The following CHST8 variants were observed in gnomAD, a reference collection of about 807,000 sequenced individuals.
CHST8 encodes the protein carbohydrate sulfotransferase 8, also known as GALNAC-4-ST1.
CHST8 carries 10 observed loss-of-function variants against 15.0 expected under a neutral mutation model. That is an observed-to-expected ratio of 0.67 (90% CI 0.41 to 1.13). CHST8 has a LOEUF of 1.13. CHST8 is among the 50% of genes most tolerant of loss of function. The probability of loss-of-function intolerance (pLI) is 0.00; values close to 1 mark genes in which losing one functional copy is unlikely to be tolerated. For synonymous variants in CHST8, 259 were observed against 256.6 expected (o/e 1.01, Z -0.09); for missense variants, 634 against 608.2 (o/e 1.04, Z -0.45).
At chr19:33,740,638 G>A (rs566537489) in intron 3 of CHST8, among the ~76,000 whole-genome samples, 11 of 152,246 alleles carry the variant, frequency 7.2e-5, no homozygotes, top group African/African-American at 1.2e-4. Context: ...TCAGCTCTCT[G>A]TTTCAGGAGG....
At chr19:33,657,176 CACACAT>C (rs1207649484) in intron 1 of CHST8, among the ~76,000 whole-genome samples, 4 of 150,206 alleles carry the variant, frequency 2.7e-5, no homozygotes, top group South Asian at 2.1e-4. Flanking sequence ...TATACTTATA[CACACAT>C]ACACATACAC....
At chr19:33,624,380 A>G (rs545904344) in intron 1 of CHST8, among the ~76,000 whole-genome samples, 1 of 152,318 alleles carries the variant, frequency 6.6e-6, no homozygotes, top group South Asian at 2.1e-4. Flanking sequence ...CCGACGACAG[A>G]GGATGCTTTG....
At chr19:33,722,067 AGATGGATGGATGGATGGATG>A (rs142959239) in intron 3 of CHST8, among the ~76,000 whole-genome samples, 8 of 73,670 alleles carry the variant, frequency 1.1e-4, no homozygotes, top group South Asian at 1.0e-3. Flanking sequence ...CTGATGGATG[AGATGGATGGATGGATGGATG>A]GATGGATGGA....
Position 33,642,110 on chromosome 19 carries a change from G to A in CHST8, c.-164+19814G>A, listed in dbSNP as rs544104546. Among the ~76,000 whole-genome samples, 6 of 152,298 alleles carry A rather than the reference G, an allele frequency of 3.9e-5. 1 individual carries two copies. Among genetic ancestry groups the A allele is most frequent in the African/African-American group, 1.4e-4 (6 of 41,576 alleles). Reference sequence around the variant, plus strand: ...ACCACCAAGACCACAGGCCATGGCTGCAGGGCTGTGGGGCTCAGCACCCAC... The same window carrying A: ...ACCACCAAGACCACAGGCCATGGCTACAGGGCTGTGGGGCTCAGCACCCAC... On this transcript the variant is annotated intron_variant, in intron 1 of 4. Coordinates refer to ENST00000650847, the MANE Select transcript of CHST8 (RefSeq NM_001127895.2).
At chr19:33,723,177 T>G (rs1285904030) in intron 3 of CHST8, among the ~76,000 whole-genome samples, 2 of 152,140 alleles carry the variant, frequency 1.3e-5, no homozygotes, top group Admixed American at 6.5e-5. Flanking sequence ...GATTGGATCT[T>G]TGTGTGTGCG....
intron 1 of CHST8, among the ~76,000 whole-genome samples, chr19:33,641,562 G>T (rs1600231079): frequency 1.3e-5 from 2 of 152,188 alleles, no homozygotes; most frequent in African/African-American, 4.8e-5. Context: ...GATTGGTGGT[G>T]TATTGGAACT....
intron 2 of CHST8, among the ~76,000 whole-genome samples, chr19:33,675,952 G>A (rs562992179): frequency 6.6e-6 from 1 of 152,322 alleles, no homozygotes; most frequent in Admixed American, 6.5e-5. Context: ...AGCCCAGCAG[G>A]ACCATCTGCC....
intron 1 of CHST8, among the ~76,000 whole-genome samples, chr19:33,646,338 G>A (rs1028452301): frequency 1.3e-5 from 2 of 152,106 alleles, no homozygotes; most frequent in Non-Finnish European, 2.9e-5. Flanking sequence ...ATTGTGCTAT[G>A]ACAGTTTCCG....
intron 3 of CHST8, among the ~76,000 whole-genome samples, chr19:33,725,291 C>T (rs371749699): frequency 8.5e-5 from 13 of 152,156 alleles, no homozygotes; most frequent in Non-Finnish European, 1.8e-4. Context: ...CACTCACCCC[C>T]CAGGGGCATC....
chr19:33,714,005 A>G (rs1973611029), intron 3 of CHST8, among the ~76,000 whole-genome samples: 1 of 152,168 alleles, frequency 6.6e-6, no homozygotes, highest in Non-Finnish European at 1.5e-5. Flanking sequence ...CGTTGCTTAG[A>G]ACAACAGTTC....
intron 3 of CHST8, among the ~76,000 whole-genome samples, chr19:33,716,872 C>T (rs1034279661): frequency 1.3e-5 from 2 of 152,126 alleles, no homozygotes; most frequent in African/African-American, 4.8e-5. Context: ...CATTGGGCAG[C>T]GTCGGTTTCT....
chr19:33,662,815 A>G (rs1309044372), intron 1 of CHST8, among the ~76,000 whole-genome samples: 1 of 152,222 alleles, frequency 6.6e-6, no homozygotes, highest in African/African-American at 2.4e-5. Context: ...CCAACTCAGA[A>G]TGCCTGTTTA....
intron 3 of CHST8, among the ~76,000 whole-genome samples, chr19:33,702,763 A>T (rs1274038057): frequency 6.6e-6 from 1 of 152,208 alleles, no homozygotes; most frequent in Non-Finnish European, 1.5e-5. Context: ...AGCAGGTCTC[A>T]GGTGTGGAGT....
At chr19:33,761,652 A>G (rs1974731005) in intron 3 of CHST8, among the ~76,000 whole-genome samples, 1 of 151,224 alleles carries the variant, frequency 6.6e-6, no homozygotes, top group Admixed American at 6.6e-5. Context: ...ATATATATAT[A>G]GTATAAAAAT....
chr19:33,746,161 A>G (rs1974309454), intron 3 of CHST8, among the ~76,000 whole-genome samples: 1 of 152,170 alleles, frequency 6.6e-6, no homozygotes, highest in Non-Finnish European at 1.5e-5. Flanking sequence ...CTAAAATAGC[A>G]TTTTTTTAAA....
At chr19:33,720,318 A>G (rs998449055) in intron 3 of CHST8, among the ~76,000 whole-genome samples, 1 of 151,626 alleles carries the variant, frequency 6.6e-6, no homozygotes, top group African/African-American at 2.4e-5. Flanking sequence ...TCACATATAC[A>G]CACTGCACAC....
rs1226127453 is a variant in CHST8, at chr19:33,772,661, C to T, written c.873C>T (p.Tyr291=). The change falls in exon 5 of 5, where the codon TAC becomes TAT. Residue 291 remains tyrosine (Y), a synonymous_variant. Transcript: ENST00000650847. ...TCGGCAAGGCCATCCTGGCCCGGTACCGCGCCAATGCCTCTCGGGAGGCCC... is the reference window on the plus strand; with the variant it reads ...TCGGCAAGGCCATCCTGGCCCGGTATCGCGCCAATGCCTCTCGGGAGGCCC... ...PVFGKAILAR[Y]RANASREALR... is the part of the protein sequence containing the mutation. 2.5e-6 allele frequency: 4 copies of T among 1,613,874 alleles called. No individual in the cohort carries two copies. Among genetic ancestry groups the T allele is most frequent in the Non-Finnish European group, 3.4e-6 (4 of 1,180,032 alleles).
At chr19:33,687,550 G>A (rs1409363316) in intron 2 of CHST8, among the ~76,000 whole-genome samples, 1 of 152,206 alleles carries the variant, frequency 6.6e-6, no homozygotes, top group Non-Finnish European at 1.5e-5. Context: ...AAGGCCGCAG[G>A]AACCAACTGC....
intron 2 of CHST8, among the ~76,000 whole-genome samples, chr19:33,675,339 TG>T (rs1972795280): frequency 6.6e-6 from 1 of 152,216 alleles, no homozygotes; most frequent in Non-Finnish European, 1.5e-5. Context: ...ATAATGAGGA[TG>T]CCTGTAGCTT....
Sources: gnomAD v4.1 joint callset for allele counts (sites outside exome capture counted in the v4.1 genomes callset) on GRCh38, gnomAD v4.1.1 for gene constraint, MANE v1.5 for transcripts, NCBI Gene and HGNC (gene_info 2026-07-23, HGNC 2026-07-21) for gene names.